Variants in GOT1 observed in about 807,000 individuals in gnomAD.
The protein encoded by GOT1 is aspartate aminotransferase, cytoplasmic.
A neutral mutation model predicts 48.2 loss-of-function variants in GOT1; 25 were observed. That is an observed-to-expected ratio of 0.52 (90% CI 0.38 to 0.72). The LOEUF (loss-of-function observed/expected upper bound fraction) is 0.72, where lower values mean the gene tolerates loss of function less well. Among genes scored for constraint, GOT1 ranks in the 30% least tolerant of loss-of-function variants. GOT1 has a pLI of 0.00. For missense variants in GOT1, 380 were observed against 520.1 expected (o/e 0.73, Z 2.62); for synonymous variants, 188 against 193.8 (o/e 0.97, Z 0.25).
chr10:99,416,574 C>A (rs1006599530), intron 2 of GOT1, among the ~76,000 whole-genome samples: 1 of 152,174 alleles, frequency 6.6e-6, no homozygotes, highest in African/African-American at 2.4e-5. Flanking sequence ...ACTTTCTTCA[C>A]GGAATTGGGA....
chr10:99,422,964 G>A (rs759722500), intron 1 of GOT1, among the ~76,000 whole-genome samples: 76 of 152,252 alleles, frequency 5.0e-4, no homozygotes, highest in African/African-American at 1.7e-3. Flanking sequence ...CTGTACATAC[G>A]TCATCTCACA....
intron 1 of GOT1, among the ~76,000 whole-genome samples, chr10:99,425,651 T>C (rs780127624): frequency 2.0e-5 from 3 of 151,824 alleles, no homozygotes; most frequent in Non-Finnish European, 1.5e-5. Flanking sequence ...AGACAGGGGA[T>C]TGGGGAAAGG....
At chr10:99,411,303 A>G (rs2032825364) in intron 2 of GOT1, among the ~76,000 whole-genome samples, 1 of 152,224 alleles carries the variant, frequency 6.6e-6, no homozygotes, top group South Asian at 2.1e-4. Context: ...GAGATGAAAA[A>G]TCGACATTTC....
At chr10:99,419,151 A>G (rs2032935972) in intron 2 of GOT1, among the ~76,000 whole-genome samples, 1 of 152,162 alleles carries the variant, frequency 6.6e-6, no homozygotes, top group South Asian at 2.1e-4. Context: ...AACCTACTGT[A>G]CACAGCATGT....
chr10:99,411,416 T>C (rs2032826911), intron 2 of GOT1, among the ~76,000 whole-genome samples: 1 of 152,214 alleles, frequency 6.6e-6, no homozygotes, highest in African/African-American at 2.4e-5. Context: ...AAATGTTGAA[T>C]CTGGAGAAGA....
chr10:99,417,257 C>T (rs1279125299), intron 2 of GOT1, among the ~76,000 whole-genome samples: 1 of 151,978 alleles, frequency 6.6e-6, no homozygotes, highest in African/African-American at 2.4e-5. Flanking sequence ...ACCCCATCAA[C>T]AAGTGGGCGA....
chr10:99,429,347 C>T (rs1252160367), intron 1 of GOT1, among the ~76,000 whole-genome samples: 2 of 146,762 alleles, frequency 1.4e-5, no homozygotes, highest in Admixed American at 1.3e-4. Context: ...CGCGCCCGGC[C>T]GACTTTTTTT....
At chr10:99,413,909 G>A (rs932246782) in intron 2 of GOT1, among the ~76,000 whole-genome samples, 9 of 152,030 alleles carry the variant, frequency 5.9e-5, no homozygotes, top group African/African-American at 1.7e-4. Flanking sequence ...TTGTCACCAC[G>A]AGGCCTGCCC....
At chr10:99,429,313 G>A (rs897061507) in intron 1 of GOT1, among the ~76,000 whole-genome samples, 25 of 150,430 alleles carry the variant, frequency 1.7e-4, no homozygotes, top group Admixed American at 2.6e-4. Context: ...CTCCCAAAGT[G>A]CTGGGATTAC....
rs545018532 is a variant in GOT1, at chr10:99,422,371, T to C, written c.119-1566A>G. 3.9e-5 allele frequency among the ~76,000 whole-genome samples: 6 copies of C among 152,318 alleles called. No homozygotes were observed. The South Asian group carries it at 1.2e-3, about 32-fold the overall frequency. ...TTACCCAGTCTCAGGTAGTTCTTTATAGCAGTGTGAGAACTAACATAACAT... is the reference window on the plus strand; with the variant it reads ...TTACCCAGTCTCAGGTAGTTCTTTACAGCAGTGTGAGAACTAACATAACAT... On this transcript the variant is annotated intron_variant, in intron 1 of 8. Transcript: ENST00000370508.
rs1249701055 is a variant in GOT1, at chr10:99,428,440, C to T, written c.118+2008G>A. Among the ~76,000 whole-genome samples, 7 of 152,168 alleles carry T rather than the reference C, an allele frequency of 4.6e-5. No individual in the cohort carries two copies. The East Asian group carries it at 5.8e-4, about 13-fold the overall frequency. ...TGGCGTGATCTTGGCTCACTGCAAC[C>T]GCCACCTCCCAGGTTCAAGCGATTC... On this transcript the variant is annotated intron_variant, in intron 1 of 8. Coordinates refer to ENST00000370508, the MANE Select transcript of GOT1 (RefSeq NM_002079.3).
Position 99,403,342 on chromosome 10 carries a change from CAAA to C in GOT1, c.959+124_959+126del, listed in dbSNP as rs2032708737. 5.2e-6 allele frequency: 4 copies of C among 767,722 alleles called. No homozygotes were observed. The South Asian group carries it at 5.7e-5, about 11-fold the overall frequency. 47.6% of individuals were successfully genotyped at this position (767,722 alleles called of 1,614,324 possible). ...CCCTGTTTTACAAATATCTGAGAGT[CAAA>C]GAAGTTAAAGTAATTTTATCCTGCT... is the stretch of plus-strand genomic sequence containing the variant. On this transcript the variant is annotated intron_variant, in intron 7 of 8. Coordinates refer to ENST00000370508, the MANE Select transcript of GOT1 (RefSeq NM_002079.3).
At chr10:99,404,022 T>A in intron 5 of GOT1, 148 bp from the exon 6 acceptor site, 2 of 685,834 alleles carry the variant, frequency 2.9e-6, no homozygotes, top group South Asian at 3.6e-5. Flanking sequence ...AAGCTCCACT[T>A]TACATCCATT....
intron 2 of GOT1, among the ~76,000 whole-genome samples, chr10:99,407,784 T>TTTAC (rs2032780733): frequency 1.5e-4 from 1 of 6,558 alleles, no homozygotes; most frequent in Non-Finnish European, 4.2e-4. Context: ...AAAGCCATAT[T>TTTAC]TTATTTATTT....
rs2032717326 is a variant in GOT1 at position 99,403,740 on chromosome 10, C to G, written c.777G>C (p.Lys259Asn). Reference protein sequence around the residue: ...FEFFCAQSFSKNFGLYNERVG... With the variant: ...FEFFCAQSFSNNFGLYNERVG... ...AGCACTCACTGTAGAGCCCGAAGTTCTTGGAGAAGGACTGGGCACAGAAGA... is the reference window on the plus strand; with the variant it reads ...AGCACTCACTGTAGAGCCCGAAGTTGTTGGAGAAGGACTGGGCACAGAAGA... Residue 259 changes from lysine to asparagine, a missense_variant, in exon 6 of 9, where the codon AAG becomes AAC. Transcript: ENST00000370508. 1 of 1,614,208 alleles carries G rather than the reference C, an allele frequency of 6.2e-7. No individual in the cohort carries two copies. The highest frequency in any genetic ancestry group is 2.2e-5 in the East Asian group (1 of 44,882).
At position 99,405,047 on chromosome 10, in the gene GOT1, A is replaced by G. The variant is rs1480421050; in HGVS notation, c.642+709T>C. Among the ~76,000 whole-genome samples the G allele has an allele frequency of 4.6e-5, 7 of 152,290 alleles. No homozygotes were observed. In the South Asian group the frequency reaches 6.2e-4, roughly 14 times the overall value. ...TACCCCCCTATAACACTGTCAACAC[A>G]GCTATCTCACAGCATCACAGCTGCC... On this transcript the variant is annotated intron_variant, in intron 5 of 8. Transcript: ENST00000370508.
At chr10:99,403,226 G>C (rs375766029) in intron 7 of GOT1, among the ~76,000 whole-genome samples, 5 of 142,054 alleles carry the variant, frequency 3.5e-5, no homozygotes, top group South Asian at 2.1e-4. Flanking sequence ...AAGACTGGGT[G>C]GGGGGGGAAA....
At chr10:99,403,989 C>G (rs2032720719) in intron 5 of GOT1, 115 bp from the exon 6 acceptor site, 1 of 962,420 alleles carries the variant, frequency 1.0e-6, no homozygotes, top group African/African-American at 1.6e-5. Flanking sequence ...TCCATTTCTC[C>G]TATTTCTTGA....
In GOT1 at chr10:99,424,173, G is replaced by C. The variant is rs1017739919; in HGVS notation, c.119-3368C>G. On this transcript the variant is annotated intron_variant, in intron 1 of 8. Coordinates refer to ENST00000370508, the MANE Select transcript of GOT1 (RefSeq NM_002079.3). ...TCAAAATATTCTTGAAACTTCTTTTGGAATTGTTTCTAGAGGCAACATCTC... is the reference window on the plus strand; with the variant it reads ...TCAAAATATTCTTGAAACTTCTTTTCGAATTGTTTCTAGAGGCAACATCTC... Among the ~76,000 whole-genome samples the C allele has an allele frequency of 5.3e-5, 8 of 152,120 alleles. No individual in the cohort carries two copies. In the South Asian group the frequency reaches 6.2e-4, roughly 12 times the overall value.
Sources: gnomAD v4.1 joint callset for allele counts (sites outside exome capture counted in the v4.1 genomes callset) on GRCh38, gnomAD v4.1.1 for gene constraint, MANE v1.5 for transcripts, NCBI Gene and HGNC (gene_info 2026-07-23, HGNC 2026-07-21) for gene names.